Variants in C8orf34 observed in about 807,000 individuals in gnomAD.
C8orf34 encodes chromosome 8 open reading frame 34, also known as uncharacterized protein C8orf34.
In C8orf34, 65 loss-of-function variants were observed where a neutral mutation model predicts 68.3. The ratio of observed to expected loss-of-function variants is 0.95; its 90% confidence interval spans 0.78 to 1.17. The LOEUF is 1.17. C8orf34 is among the 50% of genes most tolerant of loss of function. C8orf34 has a pLI of 0.00. For missense variants in C8orf34, 664 were observed against 655.4 expected (o/e 1.01, Z -0.14); for synonymous variants, 244 against 241.2 (o/e 1.01, Z -0.11).
chr8:68,581,471 T>C (rs751611581), intron 7 of C8orf34, among the ~76,000 whole-genome samples: 6 of 152,100 alleles, frequency 3.9e-5, no homozygotes, highest in Non-Finnish European at 8.8e-5. Flanking sequence ...GAGTATCCTT[T>C]CTGAATCTGC....
intron 1 of C8orf34, among the ~76,000 whole-genome samples, chr8:68,428,686 C>T (rs184507742): frequency 2.0e-5 from 3 of 152,104 alleles, no homozygotes; most frequent in Non-Finnish European, 4.4e-5. Context: ...ATTTTTTCCT[C>T]AAGGTACCAG....
chr8:68,455,394 C>A (rs1811504059), intron 3 of C8orf34, among the ~76,000 whole-genome samples: 1 of 152,078 alleles, frequency 6.6e-6, no homozygotes, highest in Admixed American at 6.6e-5. Flanking sequence ...GTCAATATTT[C>A]CTTCCTATAT....
In C8orf34 at chr8:68,608,633, C is replaced by T. The variant is rs560449161; in HGVS notation, c.1106-31743C>T. On this transcript the variant is annotated intron_variant, in intron 7 of 13. Transcript: ENST00000518698. ...GCAGGGTATGAAACATGCAGCACCT[C>T]CTATGACATTTGAAGGAGTTAAGAT... 3.3e-5 allele frequency among the ~76,000 whole-genome samples: 5 copies of T among 151,626 alleles called. No individual in the cohort carries two copies. In the South Asian group the frequency reaches 6.3e-4, roughly 19 times the overall value.
rs1823631698 is a variant in C8orf34, at chr8:68,780,075, CATT to C, written c.1455+3629_1455+3631del. On this transcript the variant is annotated intron_variant, in intron 11 of 13. Transcript: ENST00000518698. ...TAGTCATAAAGGAATGCTGAAATGA[CATT>C]ATAAATCGATGGAAAAATTGGCAAA... 2.0e-5 allele frequency among the ~76,000 whole-genome samples: 3 copies of C among 152,222 alleles called. No homozygotes were observed. In the South Asian group the frequency reaches 6.2e-4, roughly 32 times the overall value.
chr8:68,440,036 A>G (rs1810835195), intron 2 of C8orf34, among the ~76,000 whole-genome samples: 1 of 152,128 alleles, frequency 6.6e-6, no homozygotes. Context: ...TTGTTGCCCA[A>G]ACTGATGATT....
chr8:68,795,809 TA>T (rs1343529782), intron 12 of C8orf34, among the ~76,000 whole-genome samples: 2 of 152,208 alleles, frequency 1.3e-5, no homozygotes, highest in African/African-American at 4.8e-5. Flanking sequence ...GATTTTCTTC[TA>T]AACTTTTTTG....
At chr8:68,699,258 A>C (rs1229701813) in intron 8 of C8orf34, among the ~76,000 whole-genome samples, 1 of 151,996 alleles carries the variant, frequency 6.6e-6, no homozygotes, top group Non-Finnish European at 1.5e-5. Context: ...TAGGAATAAA[A>C]GCAGGCTGAA....
chr8:68,772,448 T>C (rs1247511750), intron 10 of C8orf34, among the ~76,000 whole-genome samples: 1 of 152,176 alleles, frequency 6.6e-6, no homozygotes, highest in Non-Finnish European at 1.5e-5. Flanking sequence ...TCCTTAACTA[T>C]AAAATAACCA....
intron 8 of C8orf34, among the ~76,000 whole-genome samples, chr8:68,660,008 A>T (rs527370761): frequency 2.0e-5 from 3 of 152,320 alleles, no homozygotes; most frequent in African/African-American, 7.2e-5. Flanking sequence ...GTAGCTTAAC[A>T]TAATAACCTT....
At chr8:68,743,892 G>T (rs755965287) in intron 10 of C8orf34, among the ~76,000 whole-genome samples, 1 of 152,216 alleles carries the variant, frequency 6.6e-6, no homozygotes, top group East Asian at 1.9e-4. Context: ...ACAGCTCAAG[G>T]AGGCCTGCCT....
chr8:68,755,765 A>T (rs1185042630), intron 10 of C8orf34, among the ~76,000 whole-genome samples: 1 of 152,182 alleles, frequency 6.6e-6, no homozygotes, highest in Non-Finnish European at 1.5e-5. Flanking sequence ...TTGTGGCTTA[A>T]AACTAAGAGT....
At chr8:68,720,114 A>G (rs1458784299) in intron 9 of C8orf34, among the ~76,000 whole-genome samples, 1 of 151,988 alleles carries the variant, frequency 6.6e-6, no homozygotes, top group Non-Finnish European at 1.5e-5. Context: ...TATTTTTAAT[A>G]TCTATGTTCT....
chr8:68,684,869 A>C (rs1197823401), intron 8 of C8orf34, among the ~76,000 whole-genome samples: 2 of 152,014 alleles, frequency 1.3e-5, no homozygotes, highest in African/African-American at 4.8e-5. Flanking sequence ...CTGGAGTGCA[A>C]AAAACTTTTT....
intron 2 of C8orf34, among the ~76,000 whole-genome samples, chr8:68,445,360 C>T (rs887391372): frequency 6.6e-5 from 10 of 151,844 alleles, no homozygotes; most frequent in African/African-American, 2.4e-4. Context: ...CTACAGAATG[C>T]CACATAGATT....
intron 5 of C8orf34, among the ~76,000 whole-genome samples, chr8:68,510,606 T>G (rs1814225057): frequency 6.6e-6 from 1 of 151,380 alleles, no homozygotes; most frequent in South Asian, 2.1e-4. Context: ...TGAAACATGA[T>G]TTCTGTCTTT....
intron 7 of C8orf34, among the ~76,000 whole-genome samples, chr8:68,588,954 G>A (rs1373822409): frequency 6.6e-6 from 1 of 152,114 alleles, no homozygotes; most frequent in Non-Finnish European, 1.5e-5. Context: ...GCCACAGACA[G>A]TATGTAAATG....
chr8:68,671,784 C>T (rs960767584), intron 8 of C8orf34, among the ~76,000 whole-genome samples: 2 of 152,050 alleles, frequency 1.3e-5, no homozygotes, highest in African/African-American at 4.8e-5. Flanking sequence ...TAAATTAACA[C>T]TAAAACTAAT....
At chr8:68,592,367 G>C (rs977984309) in intron 7 of C8orf34, among the ~76,000 whole-genome samples, 1 of 151,852 alleles carries the variant, frequency 6.6e-6, no homozygotes, top group Non-Finnish European at 1.5e-5. Flanking sequence ...TTTTCATTAG[G>C]TTAATTCCTG....
At chr8:68,645,992 C>G (rs1585666410) in intron 8 of C8orf34, among the ~76,000 whole-genome samples, 1 of 152,302 alleles carries the variant, frequency 6.6e-6, no homozygotes, top group Non-Finnish European at 1.5e-5. Flanking sequence ...GCCATTCTTT[C>G]TCCCTTGAAG....
Sources: allele counts gnomAD v4.1 joint callset (sites outside exome capture counted in the v4.1 genomes callset), GRCh38; gene constraint gnomAD v4.1.1; transcripts MANE v1.5; gene names NCBI Gene and HGNC (gene_info 2026-07-23, HGNC 2026-07-21).